GID8: variants seen among roughly 807,000 people sequenced by gnomAD.
GID8 encodes GID complex subunit 8 homolog.
Under a neutral mutation model 27.4 loss-of-function variants are expected in GID8, and 6 were observed. That is an observed-to-expected ratio of 0.22 (90% CI 0.12 to 0.43). The LOEUF (loss-of-function observed/expected upper bound fraction) is 0.43. Among genes scored for constraint, GID8 ranks in the 20% least tolerant of loss-of-function variants. GID8 has a pLI of 1.00. For missense variants in GID8, 173 were observed against 287.6 expected, an observed-to-expected ratio of 0.60 and a Z score of 2.88; for synonymous variants, 112 against 109.0, an observed-to-expected ratio of 1.03 and a Z score of -0.17.
At chr20:62,940,192 T>C (rs1043648346) in intron 1 of GID8, among the ~76,000 whole-genome samples, 23 of 99,354 alleles carry the variant, frequency 2.3e-4, no homozygotes, top group Non-Finnish European at 3.4e-4. Context: ...TTTTTCTTTT[T>C]TTTTTTTTTT....
At chr20:62,941,408 C>T (rs13039291) in intron 1 of GID8, 83 bp from the exon 2 acceptor site, 150,766 of 759,782 alleles carry the variant, frequency 0.2, 15,859 homozygotes, top group East Asian at 0.32. Context: ...TGGGATTCTC[C>T]GGCTCACAGC....
At position 62,945,192 on chromosome 20, in the gene GID8, G is replaced by A; in HGVS notation, c.*280G>A. On this transcript the variant is annotated 3_prime_UTR_variant, in exon 5 of 5. Coordinates refer to ENST00000266069, the MANE Select transcript of GID8 (RefSeq NM_017896.3). ...CGGTTTGCTCTTCCAGTGTTCGGGG[G>A]CCTCTGGCTGCTGAAGGATTCGGTC... The A allele has an allele frequency of 8.4e-7, 1 of 1,188,538 alleles. No individual in the cohort carries two copies. The highest frequency in any genetic ancestry group is 1.0e-6 in the Non-Finnish European group (1 of 953,574). 73.6% of individuals were successfully genotyped at this position (1,188,538 alleles called of 1,614,324 possible).
At chr20:62,942,281 C>T (rs1286158690) in intron 2 of GID8, among the ~76,000 whole-genome samples, 1 of 151,758 alleles carries the variant, frequency 6.6e-6, no homozygotes, top group Non-Finnish European at 1.5e-5. Context: ...GAGACCTTGT[C>T]TCTACAAAAA....
In GID8 at chr20:62,945,842, C is replaced by T; in HGVS notation, c.*930C>T. On this transcript the variant is annotated 3_prime_UTR_variant, in exon 5 of 5. Transcript: ENST00000266069. ...CAGAGCCCCAGCAGGTGGTGCACGA[C>T]TGTTGGCGGAAGGAACGCGTGTTCA... 1 of 1,289,764 alleles carries T rather than the reference C, an allele frequency of 7.8e-7. No homozygotes were observed. The highest frequency in any genetic ancestry group is 1.2e-5 in the South Asian group (1 of 81,026). 79.9% of individuals were successfully genotyped at this position (1,289,764 alleles called of 1,614,324 possible). A position where few individuals can be genotyped will look rare whatever the true frequency, so the allele number is the denominator to read the frequency against.
intron 2 of GID8, among the ~76,000 whole-genome samples, chr20:62,942,220 G>A (rs187474764): frequency 3.3e-5 from 5 of 152,334 alleles, no homozygotes; most frequent in Admixed American, 6.5e-5. Context: ...TTGAGAGACA[G>A]AGGAAGATTG....
intron 1 of GID8, among the ~76,000 whole-genome samples, chr20:62,940,592 G>C (rs979295404): frequency 6.6e-6 from 1 of 151,866 alleles, no homozygotes; most frequent in Admixed American, 6.6e-5. Flanking sequence ...CTTGTGATCC[G>C]CCCGCCTCGG....
rs1187254043 is a variant in GID8 at position 62,944,932 on chromosome 20, G to A, written c.*20G>A. On this transcript the variant is annotated 3_prime_UTR_variant, in exon 5 of 5. Transcript: ENST00000266069. ...AAGTAGCGCCTGCGCTTGCGTGGTG[G>A]ATCCAACACCAGCCCTGCGTCGTGG... The A allele has an allele frequency of 1.2e-6, 2 of 1,600,364 alleles. No individual in the cohort carries two copies. The highest frequency in any genetic ancestry group is 4.5e-5 in the East Asian group (2 of 43,958).
Position 62,945,152 on chromosome 20 carries a change from G to A in GID8, c.*240G>A, listed in dbSNP as rs535422089. ...AGCCTGCACTCTGGCACTCGCTGAA[G>A]AATCTGGAAGGTTGCGGTTTGCTCT... On this transcript the variant is annotated 3_prime_UTR_variant, in exon 5 of 5. Transcript: ENST00000266069. 2 of 1,298,586 alleles carry A rather than the reference G, an allele frequency of 1.5e-6. No homozygotes were observed. Among genetic ancestry groups the A allele is most frequent in the South Asian group, 2.0e-5 (1 of 49,158 alleles). The allele number at this position is 1,298,586 out of a possible 1,614,324, so 80.4% of individuals were successfully genotyped here.
In GID8 at chr20:62,945,204, T is replaced by C. The variant is rs2065460917; in HGVS notation, c.*292T>C. On this transcript the variant is annotated 3_prime_UTR_variant, in exon 5 of 5. Coordinates refer to ENST00000266069, the MANE Select transcript of GID8 (RefSeq NM_017896.3). ...CCAGTGTTCGGGGGCCTCTGGCTGC[T>C]GAAGGATTCGGTCTACCACGGAGGG... 3.4e-6 allele frequency: 4 copies of C among 1,172,030 alleles called. No homozygotes were observed. The highest frequency in any genetic ancestry group is 5.2e-5 in the South Asian group (2 of 38,698). The allele number at this position is 1,172,030 out of a possible 1,614,324, so 72.6% of individuals were successfully genotyped here.
chr20:62,939,463 T>C (rs1048116035), intron 1 of GID8, among the ~76,000 whole-genome samples: 8 of 146,446 alleles, frequency 5.5e-5, no homozygotes, highest in African/African-American at 1.7e-4. Flanking sequence ...TTTTCAGCTC[T>C]GAGCTCAGGA....
At chr20:62,944,184 G>A (rs1316108778) in intron 4 of GID8, among the ~76,000 whole-genome samples, 11 of 152,108 alleles carry the variant, frequency 7.2e-5, no homozygotes, top group Admixed American at 2.0e-4. Flanking sequence ...CTTGGTGATC[G>A]TTACACAGTA....
rs2065449952 is a variant in GID8 at position 62,942,969 on chromosome 20, G to A, written c.119-18G>A. The A allele has an allele frequency of 1.3e-6, 2 of 1,594,114 alleles. No individual in the cohort carries two copies. Among genetic ancestry groups the A allele is most frequent in the Non-Finnish European group, 1.7e-6 (2 of 1,163,702 alleles). On this transcript the variant is annotated intron_variant, in intron 2 of 4. Coordinates refer to ENST00000266069, the MANE Select transcript of GID8 (RefSeq NM_017896.3). ...CCTTGCTAACTTTCCTAGCAGTGAA[G>A]ATGGTTTTTCTATTCAGAGGGCTTT... is the stretch of plus-strand genomic sequence containing the variant.
In GID8 at chr20:62,946,023, G is replaced by A. The variant is rs1197260181; in HGVS notation, c.*1111G>A. On this transcript the variant is annotated 3_prime_UTR_variant, in exon 5 of 5. Coordinates refer to ENST00000266069, the MANE Select transcript of GID8 (RefSeq NM_017896.3). ...GCAGGGCTGCGTGCATTGCCTGCGA[G>A]TCGGGACAGTTGATGGGCACATGGC... is the stretch of plus-strand genomic sequence containing the variant. 7.8e-7 allele frequency: 1 copy of A among 1,289,158 alleles called. No individual in the cohort carries two copies. The highest frequency in any genetic ancestry group is 1.2e-5 in the South Asian group (1 of 81,034). 79.9% of individuals were successfully genotyped at this position (1,289,158 alleles called of 1,614,324 possible).
At position 62,945,497 on chromosome 20, in the gene GID8, AG is replaced by A. The variant is rs201776574; in HGVS notation, c.*590del. On this transcript the variant is annotated 3_prime_UTR_variant, in exon 5 of 5. Coordinates refer to ENST00000266069, the MANE Select transcript of GID8 (RefSeq NM_017896.3). ...GTGTGGCTTTTGGGGGATGCGTGTGAGGGGGCTATGTGTTTTTTAATTTTTT... is the reference window on the plus strand; with the variant it reads ...GTGTGGCTTTTGGGGGATGCGTGTGAGGGGCTATGTGTTTTTTAATTTTTT... The A allele has an allele frequency of 0.012, 12,463 of 1,031,510 alleles. 80 individuals are homozygous for A. The highest frequency in any genetic ancestry group is 0.024 in the South Asian group (726 of 29,786). The allele number at this position is 1,031,510 out of a possible 1,614,324, so 63.9% of individuals were successfully genotyped here. A position where few individuals can be genotyped will look rare whatever the true frequency, so the allele number is the denominator to read the frequency against.
At chr20:62,940,525 A>G (rs1217733659) in intron 1 of GID8, among the ~76,000 whole-genome samples, 2 of 151,802 alleles carry the variant, frequency 1.3e-5, no homozygotes, top group South Asian at 2.1e-4. Flanking sequence ...AATTTTTTGT[A>G]TTTTTAGTAG....
chr20:62,938,469 C>CA (rs1432096098), intron 1 of GID8: 3 of 152,058 alleles, frequency 2.0e-5, no homozygotes, highest in Non-Finnish European at 4.4e-5. Context: ...GCTCAGCCTC[C>CA]AGGCGCGCGG....
At position 62,944,834 on chromosome 20, in the gene GID8, G is replaced by C. The variant is rs753834492; in HGVS notation, c.609G>C (p.Gln203His). The C allele has an allele frequency of 6.2e-7, 1 of 1,614,038 alleles. No homozygotes were observed. Among genetic ancestry groups the C allele is most frequent in the African/African-American group, 1.3e-5 (1 of 74,942 alleles). Residue 203 changes from glutamine (Q) to histidine (H), a missense_variant, in exon 5 of 5, where the codon CAG (glutamine) becomes CAC (histidine). Gln to His is a conservative substitution (Grantham distance 24, BLOSUM62 0). Transcript: ENST00000266069. Reference protein sequence around the residue: ...AKLLKLLLWAQNELDQKKVKY... With the variant: ...AKLLKLLLWAHNELDQKKVKY... Reference sequence around the variant, plus strand: ...TACTGAAACTACTACTTTGGGCTCAGAACGAGCTGGACCAGAAGAAAGTAA... The same window carrying C: ...TACTGAAACTACTACTTTGGGCTCACAACGAGCTGGACCAGAAGAAAGTAA...
At position 62,945,898 on chromosome 20, in the gene GID8, C is replaced by G. The variant is rs1296509209; in HGVS notation, c.*986C>G. 1 of 1,289,462 alleles carries G rather than the reference C, an allele frequency of 7.8e-7. No homozygotes were observed. Among genetic ancestry groups the G allele is most frequent in the African/African-American group, 1.5e-5 (1 of 65,888 alleles). 79.9% of individuals were successfully genotyped at this position (1,289,462 alleles called of 1,614,324 possible). ...AGTGATCTGCCCTCCAGCATCTCGG[C>G]AGCATCTCATCCTCCATCGTCAGCT... On this transcript the variant is annotated 3_prime_UTR_variant, in exon 5 of 5. Transcript: ENST00000266069.
At chr20:62,939,055 C>T (rs755008168) in intron 1 of GID8, among the ~76,000 whole-genome samples, 5 of 151,944 alleles carry the variant, frequency 3.3e-5, no homozygotes, top group Non-Finnish European at 7.4e-5. Flanking sequence ...GAGGTCGAGG[C>T]TGCGGTGAGC....
Sources: allele counts gnomAD v4.1 joint callset (sites outside exome capture counted in the v4.1 genomes callset), GRCh38; gene constraint gnomAD v4.1.1; transcripts MANE v1.5; gene names NCBI Gene and HGNC (gene_info 2026-07-23, HGNC 2026-07-21).